The following SYNE2 variants were observed in gnomAD, a reference collection of about 807,000 sequenced individuals.
The protein encoded by SYNE2 is nesprin-2.
A neutral mutation model predicts 856.3 loss-of-function variants in SYNE2; 431 were observed. That is an observed-to-expected ratio of 0.50 (90% CI 0.47 to 0.55). The LOEUF (loss-of-function observed/expected upper bound fraction) is 0.55, where lower values mean the gene tolerates loss of function less well. Among genes scored for constraint, SYNE2 ranks in the 20% least tolerant of loss-of-function variants. The pLI, the probability that SYNE2 is intolerant of heterozygous loss-of-function variation, is 0.00. For missense variants in SYNE2, 8,129 were observed against 8,023.2 expected, an observed-to-expected ratio of 1.01 and a Z score of -0.50; for synonymous variants, 2,923 against 2,872.3, an observed-to-expected ratio of 1.02 and a Z score of -0.56.
intron 2 of SYNE2, among the ~76,000 whole-genome samples, chr14:63,924,832 GTGTTTTTTTTTTTTTTT>G (rs71437516): frequency 0.094 from 8,746 of 93,026 alleles, 809 homozygotes; most frequent in Admixed American, 0.17. Context: ...TCCAGCCTTG[GTGTTTTTTTTTTTTTTT>G]TTTTTTTTTT....
intron 51 of SYNE2, 42 bp downstream of exon 51, chr14:64,065,692 G>A (rs763752946): frequency 6.2e-7 from 1 of 1,602,674 alleles, no homozygotes; most frequent in East Asian, 2.2e-5. Flanking sequence ...TTTCTAACAT[G>A]TTATTTAAAT....
rs1421204117 is a variant in SYNE2, at chr14:64,024,439, C to T, written c.5820C>T (p.Asp1940=). 2 of 1,613,924 alleles carry T rather than the reference C, an allele frequency of 1.2e-6. No individual in the cohort carries two copies. Among genetic ancestry groups the T allele is most frequent in the Non-Finnish European group, 1.7e-6 (2 of 1,179,944 alleles). Reference sequence around the variant, plus strand: ...AGGCTCGAGCAAAGGAGCTTGAAGACTCCTTGCAGCAGCTACTGAGGTAGG... The same window carrying T: ...AGGCTCGAGCAAAGGAGCTTGAAGATTCCTTGCAGCAGCTACTGAGGTAGG... ...ICQARAKELE[D]SLQQLLRLQD... The change falls in exon 39 of 116, where the codon GAC becomes GAT. Residue 1940 remains aspartate, a synonymous_variant. Coordinates refer to ENST00000555002, the MANE Select transcript of SYNE2 (RefSeq NM_182914.3).
At chr14:64,026,785 A>G in intron 42 of SYNE2, 55 bp downstream of exon 42, 1 of 1,560,266 alleles carries the variant, frequency 6.4e-7, no homozygotes, top group African/African-American at 1.4e-5. Context: ...GTGAAGCCAT[A>G]ACAAGTATGT....
rs1273380209 is a variant in SYNE2, at chr14:64,212,178, C to T, written c.18861+80C>T. On this transcript the variant is annotated intron_variant, in intron 104 of 115. Coordinates refer to ENST00000555002, the MANE Select transcript of SYNE2 (RefSeq NM_182914.3). ...GAGCTGGCCAAGTGCAAATTTCACA[C>T]GATACTCTGAGAGCAAATTTCAGAA... 3.6e-5 allele frequency: 58 copies of T among 1,602,138 alleles called. No homozygotes were observed. In the East Asian group the frequency reaches 1.1e-3, roughly 31 times the overall value.
At chr14:64,119,302 T>A (rs1176513736) in intron 66 of SYNE2, 125 bp from the exon 67 acceptor site, 16 of 1,290,442 alleles carry the variant, frequency 1.2e-5, no homozygotes, top group Non-Finnish European at 1.7e-5. Flanking sequence ...CAGGGTTTCT[T>A]CCATCCTGTG....
intron 68 of SYNE2, 151 bp from the exon 69 acceptor site, chr14:64,121,861 G>A (rs2097901351): frequency 9.7e-7 from 1 of 1,034,184 alleles, no homozygotes; most frequent in Non-Finnish European, 1.4e-6. Flanking sequence ...TGGGAAGTGA[G>A]AGTTTACAAG....
At chr14:64,186,997 A>G (rs751229142) in intron 97 of SYNE2, among the ~76,000 whole-genome samples, 8 of 152,194 alleles carry the variant, frequency 5.3e-5, no homozygotes, top group Non-Finnish European at 7.3e-5. Context: ...CAGGCATGGG[A>G]GCATTTCATA....
chr14:64,224,918 A>C, intron 114 of SYNE2, 81 bp from the exon 115 acceptor site: 1 of 1,306,458 alleles, frequency 7.7e-7, no homozygotes, highest in Admixed American at 1.9e-5. Context: ...TATATAATTT[A>C]AGGGAGGATT....
At position 64,134,199 on chromosome 14, in the gene SYNE2, A is replaced by G. The variant is rs1486464994; in HGVS notation, c.14645A>G (p.Gln4882Arg). Reference protein sequence around the residue: ...ERLVERISFYQQIKRNIGGKH... With the variant: ...ERLVERISFYRQIKRNIGGKH... ...TTAGTGGAAAGGATTTCATTTTACC[A>G]GGTATTTGTCTTCCATTTAAGTTAT... Residue 4882 changes from glutamine to arginine, a missense_variant and splice_region_variant, in exon 78 of 116, where the codon CAG (glutamine) becomes CGG (arginine). By Grantham distance (43) the Gln-to-Arg change is conservative (BLOSUM62 1). Transcript: ENST00000555002. 6.2e-7 allele frequency: 1 copy of G among 1,613,954 alleles called. No homozygotes were observed. The highest frequency in any genetic ancestry group is 1.7e-5 in the Admixed American group (1 of 59,994).
At chr14:63,819,989 A>C (rs531852690) in intron 1 of SYNE2, among the ~76,000 whole-genome samples, 29 of 152,222 alleles carry the variant, frequency 1.9e-4, no homozygotes, top group African/African-American at 6.7e-4. Flanking sequence ...AAAATGCTAC[A>C]AAACATTGAT....
chr14:64,001,797 T>G, intron 28 of SYNE2, 137 bp from the exon 29 acceptor site: 1 of 944,028 alleles, frequency 1.1e-6, no homozygotes, highest in South Asian at 1.3e-5. Flanking sequence ...AATGTGATAA[T>G]GTGTATGTAT....
chr14:63,991,367 A>G (rs897221985), intron 21 of SYNE2, among the ~76,000 whole-genome samples: 1 of 152,196 alleles, frequency 6.6e-6, no homozygotes, highest in Non-Finnish European at 1.5e-5. Context: ...AGCCGACTCT[A>G]TGACATTGAA....
intron 1 of SYNE2, among the ~76,000 whole-genome samples, chr14:63,866,867 G>T (rs1895472951): frequency 6.6e-6 from 1 of 152,138 alleles, no homozygotes; most frequent in Non-Finnish European, 1.5e-5. Context: ...AGCTCCTCAG[G>T]AGACTGAGAT....
chr14:64,211,796 C>G (rs2098642663), intron 103 of SYNE2, among the ~76,000 whole-genome samples, 165 bp from the exon 104 acceptor site: 1 of 152,190 alleles, frequency 6.6e-6, no homozygotes, highest in Non-Finnish European at 1.5e-5. Context: ...CAGACCCCAG[C>G]CTCTGAACAA....
chr14:64,141,431 A>G lies in SYNE2; in HGVS notation c.15067A>G (p.Thr5023Ala), dbSNP rs571554856. The G allele has an allele frequency of 8.1e-6, 13 of 1,614,156 alleles. No homozygotes were observed. In the South Asian group the frequency reaches 1.1e-4, roughly 14 times the overall value. Reference sequence around the variant, plus strand: ...GCTTCTTCACCTGAAAGAAACTGATACAGCTACACTGAGAGCTTCTTTAGC... The same window carrying G: ...GCTTCTTCACCTGAAAGAAACTGATGCAGCTACACTGAGAGCTTCTTTAGC... The part of the protein sequence containing the change: ...NQLLHLKETD[T>A]ATLRASLAQF... Residue 5023 changes from threonine to alanine, a missense_variant, in exon 81 of 116, where the codon ACA becomes GCA. Around this residue, in one of 3 missense-constraint regions of SYNE2, gnomAD observed 5,410 missense variants for 5,284.8 expected, o/e 1.02. Coordinates refer to ENST00000555002, the MANE Select transcript of SYNE2 (RefSeq NM_182914.3).
chr14:64,119,270 T>C (rs1376407426), intron 66 of SYNE2, among the ~76,000 whole-genome samples, 157 bp from the exon 67 acceptor site: 1 of 152,232 alleles, frequency 6.6e-6, no homozygotes, highest in African/African-American at 2.4e-5. Context: ...GTACAAGAAT[T>C]CTGTGGAAGT....
chr14:64,223,920 T>C (rs548827815), intron 113 of SYNE2, among the ~76,000 whole-genome samples: 16 of 152,310 alleles, frequency 1.1e-4, no homozygotes, highest in African/African-American at 3.8e-4. Flanking sequence ...CTGCTGCTGC[T>C]AAACTCAGTC....
intron 1 of SYNE2, among the ~76,000 whole-genome samples, chr14:63,819,208 A>G (rs1480040051): frequency 6.6e-6 from 1 of 152,034 alleles, no homozygotes; most frequent in Non-Finnish European, 1.5e-5. Context: ...ATTAACATAC[A>G]AAAATCAATT....
chr14:63,936,652 C>T (rs1351429008), intron 2 of SYNE2, among the ~76,000 whole-genome samples: 2 of 152,138 alleles, frequency 1.3e-5, no homozygotes, highest in African/African-American at 4.8e-5. Flanking sequence ...CAGGGAAGGG[C>T]AGATGGTGCT....
Sources: gnomAD v4.1 joint callset for allele counts (sites outside exome capture counted in the v4.1 genomes callset) on GRCh38, gnomAD v4.1.1 for gene constraint, gnomAD v4.1.1 regional missense constraint, MANE v1.5 for transcripts, NCBI Gene and HGNC (gene_info 2026-07-23, HGNC 2026-07-21) for gene names.